SPMIP2: variants seen among roughly 807,000 people sequenced by gnomAD.
SPMIP2 encodes the protein protein SPMIP2.
chr4:158,893,749 T>C, the SPMIP2 span: 5 of 1,488,374 alleles, frequency 3.4e-6, no homozygotes, highest in Non-Finnish European at 4.6e-6. Context: ...TTAGACTTCA[T>C]AGTTTACTTC....
the SPMIP2 span, among the ~76,000 whole-genome samples, chr4:158,988,905 G>C: frequency 6.6e-6 from 1 of 152,142 alleles, no homozygotes; most frequent in Non-Finnish European, 1.5e-5. Flanking sequence ...GCAAGAGAAA[G>C]AAATAAAGGG....
the SPMIP2 span, among the ~76,000 whole-genome samples, chr4:158,903,333 T>C: frequency 1.3e-5 from 2 of 152,100 alleles, no homozygotes; most frequent in African/African-American, 4.8e-5. Flanking sequence ...CCCAATGAGA[T>C]GAGCCGGGTA....
the SPMIP2 span, among the ~76,000 whole-genome samples, chr4:158,982,482 C>A: frequency 1.3e-5 from 2 of 152,250 alleles, no homozygotes; most frequent in East Asian, 1.9e-4. Context: ...AAGTAAAACA[C>A]TCCTCAGCAA....
the SPMIP2 span, among the ~76,000 whole-genome samples, chr4:158,978,730 G>T: frequency 6.6e-6 from 1 of 152,056 alleles, no homozygotes; most frequent in East Asian, 1.9e-4. Flanking sequence ...CAGAGAGTAG[G>T]ATTGCAAACC....
chr4:158,968,121 C>T, the SPMIP2 span, among the ~76,000 whole-genome samples: 1 of 152,192 alleles, frequency 6.6e-6, no homozygotes, highest in South Asian at 2.1e-4. Context: ...CCTCCACTTC[C>T]CGGGTTCAAG....
the SPMIP2 span, among the ~76,000 whole-genome samples, chr4:159,027,028 CT>C: frequency 5.9e-5 from 9 of 151,376 alleles, no homozygotes; most frequent in South Asian, 1.5e-3. Flanking sequence ...GCAAATTACA[CT>C]GTGTTGAGTT....
the SPMIP2 span, among the ~76,000 whole-genome samples, chr4:159,077,392 C>T: frequency 3.9e-5 from 6 of 152,150 alleles, no homozygotes; most frequent in East Asian, 5.8e-4. Context: ...GGTGATCTGC[C>T]GCCTCGGCCT....
At chr4:159,021,161 A>G in the SPMIP2 span, among the ~76,000 whole-genome samples, 1 of 152,246 alleles carries the variant, frequency 6.6e-6, no homozygotes, top group African/African-American at 2.4e-5. Flanking sequence ...ATGACTAGAC[A>G]AACTCCCATC....
the SPMIP2 span, among the ~76,000 whole-genome samples, chr4:158,924,925 A>T: frequency 6.6e-6 from 1 of 152,162 alleles, no homozygotes; most frequent in South Asian, 2.1e-4. Context: ...CATGATGTAT[A>T]ATCCTTTTTA....
At chr4:159,082,367 C>T in the SPMIP2 span, among the ~76,000 whole-genome samples, 1 of 150,690 alleles carries the variant, frequency 6.6e-6, no homozygotes, top group African/African-American at 2.4e-5. Context: ...AAATGTTGTG[C>T]TTCTACTATG....
chr4:159,006,952 T>C, the SPMIP2 span, among the ~76,000 whole-genome samples: 2 of 152,222 alleles, frequency 1.3e-5, no homozygotes, highest in Non-Finnish European at 2.9e-5. Flanking sequence ...TTACAGTTTA[T>C]GGCCATTAAG....
chr4:159,021,920 T>C, the SPMIP2 span, among the ~76,000 whole-genome samples: 2 of 152,308 alleles, frequency 1.3e-5, no homozygotes, highest in African/African-American at 2.4e-5. Flanking sequence ...TCTAAGTGAC[T>C]ATAGAATCCT....
At chr4:159,057,076 G>A in the SPMIP2 span, among the ~76,000 whole-genome samples, 29 of 152,220 alleles carry the variant, frequency 1.9e-4, no homozygotes, top group African/African-American at 6.7e-4. Flanking sequence ...TATTGCCTTA[G>A]ACCCCGGATT....
the SPMIP2 span, among the ~76,000 whole-genome samples, chr4:158,944,643 T>C: frequency 3.3e-5 from 5 of 152,196 alleles, no homozygotes; most frequent in African/African-American, 9.7e-5. Context: ...CCACCTGAAC[T>C]CATCATCTTC....
At chr4:158,954,471 G>A in the SPMIP2 span, among the ~76,000 whole-genome samples, 6 of 152,116 alleles carry the variant, frequency 3.9e-5, no homozygotes, top group Non-Finnish European at 5.9e-5. Context: ...GTGTGAAAAC[G>A]GACTAATACA....
chr4:158,923,696 C>G, the SPMIP2 span, among the ~76,000 whole-genome samples: 520 of 152,126 alleles, frequency 3.4e-3, no homozygotes, highest in Middle Eastern at 0.021. Context: ...AATATGATGC[C>G]TTTTATTTTG....
At chr4:158,932,234 G>C in the SPMIP2 span, among the ~76,000 whole-genome samples, 1 of 152,154 alleles carries the variant, frequency 6.6e-6, no homozygotes, top group Non-Finnish European at 1.5e-5. Flanking sequence ...GTATGTCAAA[G>C]CCGGGTGGAT....
the SPMIP2 span, among the ~76,000 whole-genome samples, chr4:158,971,611 G>A: frequency 6.6e-6 from 1 of 152,108 alleles, no homozygotes; most frequent in African/African-American, 2.4e-5. Flanking sequence ...CCAGGATCGC[G>A]CTCAGTGCAT....
chr4:159,038,586 T>C, the SPMIP2 span: 1 of 152,224 alleles, frequency 6.6e-6, no homozygotes, highest in African/African-American at 2.4e-5. Context: ...AATGTAGTAA[T>C]ACATTTAGTA....
Sources: gnomAD v4.1 joint callset for allele counts (sites outside exome capture counted in the v4.1 genomes callset) on GRCh38, gnomAD v4.1.1 for gene constraint, MANE v1.5 for transcripts, NCBI Gene and HGNC (gene_info 2026-07-23, HGNC 2026-07-21) for gene names.